The following SMIM41 variants were observed in gnomAD, a reference collection of about 807,000 sequenced individuals.
SMIM41 encodes small integral membrane protein 41.
intron 2 of SMIM41, among the ~76,000 whole-genome samples, chr12:52,098,744 G>GC (rs1491077627): frequency 6.6e-6 from 1 of 150,608 alleles, no homozygotes; most frequent in Non-Finnish European, 1.5e-5. Flanking sequence ...CGGGGGGGGG[G>GC]GTGTACTGCC....
chr12:52,085,169 A>AG (rs1341977469), intron 2 of SMIM41, among the ~76,000 whole-genome samples: 2 of 152,218 alleles, frequency 1.3e-5, no homozygotes, highest in East Asian at 3.8e-4. Context: ...GAAAAGTCTA[A>AG]GGGTGGTTCT....
intron 2 of SMIM41, among the ~76,000 whole-genome samples, chr12:52,088,315 C>T (rs958826997): frequency 1.3e-5 from 2 of 152,204 alleles, no homozygotes; most frequent in Non-Finnish European, 1.5e-5. Context: ...GACACTTGAG[C>T]TGAGACCTGG....
chr12:52,082,838 G>A lies in SMIM41; in HGVS notation c.*121-1056G>A, dbSNP rs887904280. Among the ~76,000 whole-genome samples the A allele has an allele frequency of 4.6e-5, 7 of 152,158 alleles. No homozygotes were observed. The South Asian group carries it at 1.0e-3, about 23-fold the overall frequency. ...GTGCAGCTCCCTCTGCAGCAAAGAC[G>A]GGGGTGGCTCTCTCTACAGATTCCT... is the stretch of plus-strand genomic sequence containing the variant. On this transcript the variant is annotated intron_variant, in intron 1 of 2. Coordinates refer to ENST00000546390, the MANE Select transcript of SMIM41 (RefSeq NM_001369216.1).
chr12:52,097,424 C>A (rs1940119641), intron 2 of SMIM41, among the ~76,000 whole-genome samples: 1 of 152,056 alleles, frequency 6.6e-6, no homozygotes, highest in Non-Finnish European at 1.5e-5. Context: ...TACCTACCCC[C>A]CTTCCCCATG....
chr12:52,102,773 G>T (rs561508439), intron 2 of SMIM41, among the ~76,000 whole-genome samples: 1 of 152,322 alleles, frequency 6.6e-6, no homozygotes, highest in Admixed American at 6.5e-5. Flanking sequence ...GTAAAACCAT[G>T]AAGGAACAGG....
Position 52,097,020 on chromosome 12 carries a change from T to C in SMIM41, c.*196-10359T>C, listed in dbSNP as rs141554508. Reference sequence around the variant, plus strand: ...ACCTACCCTGTGATATTGTCCCTAATATCCAAAGGTGGAGAGGAAGATATA... The same window carrying C: ...ACCTACCCTGTGATATTGTCCCTAACATCCAAAGGTGGAGAGGAAGATATA... On this transcript the variant is annotated intron_variant, in intron 2 of 2. Transcript: ENST00000546390. 2.4e-3 allele frequency among the ~76,000 whole-genome samples: 360 copies of C among 152,042 alleles called. 2 individuals carry two copies. Among genetic ancestry groups the C allele is most frequent in the African/African-American group, 8.2e-3 (338 of 41,456 alleles).
rs376247074 is a variant in SMIM41 at position 52,081,600 on chromosome 12, C to G, written c.*120+1419C>G. On this transcript the variant is annotated intron_variant, in intron 1 of 2. Coordinates refer to ENST00000546390, the MANE Select transcript of SMIM41 (RefSeq NM_001369216.1). The surrounding 1 kb of genome is among the most constrained non-coding windows in gnomAD (Gnocchi z 4.1). Reference sequence around the variant, plus strand: ...AGTGTGTCTGTTACTGCACCTGGCACAGGCAGGGGGCTGGGCCCAGGGGAC... The same window carrying G: ...AGTGTGTCTGTTACTGCACCTGGCAGAGGCAGGGGGCTGGGCCCAGGGGAC... Among the ~76,000 whole-genome samples the G allele has an allele frequency of 7.9e-5, 12 of 152,222 alleles. 1 individual carries two copies. Among genetic ancestry groups the G allele is most frequent in the African/African-American group, 2.6e-4 (11 of 41,536 alleles).
Position 52,079,870 on chromosome 12 carries a change from G to A in SMIM41, c.91G>A (p.Gly31Arg). ...GGCGTCGCCGCCGGAGCCCCCCGAG[G>A]GGCCGCGCGCGGTGCAGGCGGTGGT... Reference protein sequence around the residue: ...QSASPPEPPEGPRAVQAVVLG... With the variant: ...QSASPPEPPERPRAVQAVVLG... Residue 31 changes from glycine (G) to arginine (R), a missense_variant, in exon 1 of 3, where the codon GGG (glycine) becomes AGG (arginine). By Grantham distance (125) the Gly-to-Arg change is moderately radical (BLOSUM62 -2). Transcript: ENST00000546390. The A allele has an allele frequency of 2.6e-6, 1 of 391,300 alleles. No individual in the cohort carries two copies. Among genetic ancestry groups the A allele is most frequent in the African/African-American group, 2.1e-5 (1 of 48,398 alleles). The allele number at this position is 391,300 out of a possible 1,614,324, so 24.2% of individuals were successfully genotyped here.
chr12:52,100,622 ATTTTTTT>A (rs1173057236), intron 2 of SMIM41, among the ~76,000 whole-genome samples: 98 of 111,128 alleles, frequency 8.8e-4, no homozygotes, highest in African/African-American at 2.5e-3. Flanking sequence ...GCGCCCAGCT[ATTTTTTT>A]TTTTTTTTTT....
chr12:52,092,908 A>C (rs1282523898), intron 2 of SMIM41, among the ~76,000 whole-genome samples: 1 of 152,224 alleles, frequency 6.6e-6, no homozygotes, highest in African/African-American at 2.4e-5. Flanking sequence ...TGGGCTGGGC[A>C]TGGCGGCTCA....
At chr12:52,096,579 A>T (rs1333329596) in intron 2 of SMIM41, among the ~76,000 whole-genome samples, 1 of 151,772 alleles carries the variant, frequency 6.6e-6, no homozygotes, top group Non-Finnish European at 1.5e-5. Flanking sequence ...GATTATTAAC[A>T]TTAATAGTAA....
intron 2 of SMIM41, among the ~76,000 whole-genome samples, chr12:52,090,446 C>CGG (rs200733230): frequency 1.8e-3 from 174 of 96,258 alleles, no homozygotes; most frequent in African/African-American, 6.5e-3. Context: ...GGGGAGGGGG[C>CGG]GGGGGGGAAG....
At chr12:52,097,390 C>T (rs1387226059) in intron 2 of SMIM41, among the ~76,000 whole-genome samples, 1 of 151,080 alleles carries the variant, frequency 6.6e-6, no homozygotes, top group South Asian at 2.1e-4. Context: ...GGGGGGTGGA[C>T]ACCCCCAGTG....
chr12:52,086,170 G>C (rs1251008024), intron 2 of SMIM41, among the ~76,000 whole-genome samples: 1 of 152,182 alleles, frequency 6.6e-6, no homozygotes, highest in Non-Finnish European at 1.5e-5. Context: ...AGTTGAGGAA[G>C]AGAGGATTTC....
intron 2 of SMIM41, among the ~76,000 whole-genome samples, chr12:52,100,715 C>T (rs1366824905): frequency 1.3e-5 from 2 of 150,526 alleles, no homozygotes; most frequent in Admixed American, 6.6e-5. Context: ...TCAGGTGATC[C>T]ACCCACTTCG....
At chr12:52,089,082 A>G (rs562571019) in intron 2 of SMIM41, among the ~76,000 whole-genome samples, 1 of 151,866 alleles carries the variant, frequency 6.6e-6, no homozygotes, top group Non-Finnish European at 1.5e-5. Context: ...AAACCGGTGG[A>G]ATTCCCTGCC....
intron 1 of SMIM41, 84 bp from the exon 2 acceptor site, chr12:52,083,810 A>C (rs540309150): frequency 2.0e-5 from 3 of 152,350 alleles, no homozygotes; most frequent in African/African-American, 7.2e-5. Flanking sequence ...CAAATAGGTA[A>C]CATGCTTATT....
chr12:52,084,261 G>A (rs1246691966), intron 2 of SMIM41, among the ~76,000 whole-genome samples: 1 of 151,774 alleles, frequency 6.6e-6, no homozygotes, highest in Non-Finnish European at 1.5e-5. Context: ...ATAATGGGGA[G>A]AATTGCTTGA....
chr12:52,100,921 A>G (rs1940206327), intron 2 of SMIM41, among the ~76,000 whole-genome samples: 1 of 152,200 alleles, frequency 6.6e-6, no homozygotes, highest in Admixed American at 6.5e-5. Flanking sequence ...ATTCTGAGAC[A>G]TTTTAAAAAT....
Sources: allele counts gnomAD v4.1 joint callset (sites outside exome capture counted in the v4.1 genomes callset), GRCh38; gene constraint gnomAD v4.1.1; non-coding constraint Gnocchi (gnomAD v3.1); transcripts MANE v1.5; gene names NCBI Gene and HGNC (gene_info 2026-07-23, HGNC 2026-07-21).